Variants in SLC30A8 observed in about 807,000 individuals in gnomAD.
SLC30A8 encodes the protein proton-coupled zinc antiporter SLC30A8.
SLC30A8 carries 27 observed loss-of-function variants against 36.9 expected under a neutral mutation model. That is an observed-to-expected ratio of 0.73 (90% CI 0.54 to 1.01). The LOEUF is 1.01. Among genes scored for constraint, SLC30A8 ranks in the 50% least tolerant of loss-of-function variants. SLC30A8 has a pLI of 0.00. For missense variants in SLC30A8, 439 were observed against 452.0 expected, an observed-to-expected ratio of 0.97 and a Z score of 0.26; for synonymous variants, 164 against 172.4, an observed-to-expected ratio of 0.95 and a Z score of 0.38.
upstream of SLC30A8, chr8:116,950,683 T>C (rs1813964577): frequency 6.6e-6 from 1 of 152,230 alleles, no homozygotes; most frequent in Non-Finnish European, 1.5e-5. Flanking sequence ...CTGAGGGTAC[T>C]AGTTGCTCTA....
chr8:117,143,665 AACACACACACACACAC>A (rs58613241), intron 1 of SLC30A8, among the ~76,000 whole-genome samples: 1 of 146,188 alleles, frequency 6.8e-6, no homozygotes, highest in East Asian at 2.1e-4. Flanking sequence ...TCTCCCATAA[AACACACACACACACAC>A]ACACACACAC....
At chr8:117,065,336 T>C (rs1274232378) in intron 2 of SLC30A8, among the ~76,000 whole-genome samples, 1 of 152,174 alleles carries the variant, frequency 6.6e-6, no homozygotes, top group Non-Finnish European at 1.5e-5. Context: ...GTTTAAAAAT[T>C]ACATAATAAA....
At chr8:116,959,853 T>G (rs1047964519) in intron 1 of SLC30A8, among the ~76,000 whole-genome samples, 3 of 152,244 alleles carry the variant, frequency 2.0e-5, no homozygotes, top group Non-Finnish European at 4.4e-5. Flanking sequence ...GGCAATTTTC[T>G]TATATGCATG....
chr8:116,999,918 AT>A (rs1269247954), intron 1 of SLC30A8, among the ~76,000 whole-genome samples: 12 of 152,180 alleles, frequency 7.9e-5, no homozygotes, highest in Admixed American at 7.9e-4. Flanking sequence ...CAATAGACAT[AT>A]TTTCCTAAAA....
chr8:117,050,338 A>G (rs539855210), intron 2 of SLC30A8, among the ~76,000 whole-genome samples: 176 of 152,046 alleles, frequency 1.2e-3, no homozygotes, highest in African/African-American at 4.1e-3. Flanking sequence ...TAATCATGCA[A>G]ATGAGGGGGA....
chr8:117,137,371 G>A (rs1228390230), intron 1 of SLC30A8, among the ~76,000 whole-genome samples: 1 of 151,686 alleles, frequency 6.6e-6, no homozygotes, highest in Non-Finnish European at 1.5e-5. Flanking sequence ...ATGGTTACTG[G>A]CTGTTAAGAA....
At chr8:117,156,138 C>T (rs1822471974) in intron 3 of SLC30A8, among the ~76,000 whole-genome samples, 1 of 151,946 alleles carries the variant, frequency 6.6e-6, no homozygotes, top group African/African-American at 2.4e-5. Context: ...CTCCCCGGTT[C>T]AAGCAATTCC....
At position 117,038,386 on chromosome 8, in the gene SLC30A8, A is replaced by C. The variant is rs141809707; in HGVS notation, c.-265-833A>C. Among the ~76,000 whole-genome samples the C allele has an allele frequency of 1.7e-4, 26 of 152,298 alleles. No homozygotes were observed. In the East Asian group the frequency reaches 4.8e-3, roughly 28 times the overall value. ...TTTATGTGTGTATGCATTCCTTTGAAACCACTGATGATATCTGCTGCTGTA... is the reference window on the plus strand; with the variant it reads ...TTTATGTGTGTATGCATTCCTTTGACACCACTGATGATATCTGCTGCTGTA... On this transcript the variant is annotated intron_variant, in intron 1 of 10. Coordinates refer to the SLC30A8 transcript ENST00000427715.
At chr8:117,028,550 G>GTT (rs57593485) in intron 1 of SLC30A8, among the ~76,000 whole-genome samples, 201 of 144,206 alleles carry the variant, frequency 1.4e-3, no homozygotes, top group East Asian at 3.7e-3. Flanking sequence ...TCTCACCACA[G>GTT]TTTTTTTTTT....
intron 2 of SLC30A8, among the ~76,000 whole-genome samples, chr8:117,103,904 T>C (rs1216167598): frequency 6.6e-6 from 1 of 152,180 alleles, no homozygotes; most frequent in Non-Finnish European, 1.5e-5. Flanking sequence ...TTTAGTTGTA[T>C]AACATTCTCA....
chr8:117,074,556 C>T (rs1306799339), intron 2 of SLC30A8, among the ~76,000 whole-genome samples: 1 of 152,186 alleles, frequency 6.6e-6, no homozygotes, highest in Non-Finnish European at 1.5e-5. Context: ...CTGTCACTAA[C>T]ACATTGATAA....
At chr8:117,054,003 T>A (rs1236786266) in intron 2 of SLC30A8, among the ~76,000 whole-genome samples, 2 of 152,156 alleles carry the variant, frequency 1.3e-5, no homozygotes, top group Admixed American at 1.3e-4. Flanking sequence ...CTTTCCATTA[T>A]GTTGCAATAA....
intron 1 of SLC30A8, among the ~76,000 whole-genome samples, chr8:117,013,868 A>G (rs1420374257): frequency 6.6e-6 from 1 of 152,194 alleles, no homozygotes; most frequent in Non-Finnish European, 1.5e-5. Flanking sequence ...GTCATGTGAG[A>G]ATATATTAAT....
chr8:117,059,333 A>G (rs993988637), intron 2 of SLC30A8, among the ~76,000 whole-genome samples: 1 of 152,212 alleles, frequency 6.6e-6, no homozygotes, highest in Non-Finnish European at 1.5e-5. Context: ...GAAACTACAA[A>G]TAACAAGCCA....
chr8:117,045,574 T>C (rs1019393298), intron 2 of SLC30A8, among the ~76,000 whole-genome samples: 1 of 152,118 alleles, frequency 6.6e-6, no homozygotes, highest in African/African-American at 2.4e-5. Flanking sequence ...GCAGTGTCTG[T>C]TAGGTTTGGA....
At position 117,034,519 on chromosome 8, in the gene SLC30A8, T is replaced by C. The variant is rs144908267; in HGVS notation, c.-265-4700T>C. 3.0e-3 allele frequency among the ~76,000 whole-genome samples: 456 copies of C among 152,312 alleles called. 4 individuals are homozygous for C. Among genetic ancestry groups the C allele is most frequent in the African/African-American group, 0.011 (445 of 41,562 alleles). On this transcript the variant is annotated intron_variant, in intron 1 of 10. Transcript: ENST00000427715. ...AGACAGGTACTAGTATTCACCCTAC[T>C]TTATGGTTGGGGAAACTGAAGCATG...
chr8:117,153,723 G>GGTGTGTGT (rs59464276), intron 3 of SLC30A8, among the ~76,000 whole-genome samples: 22,305 of 146,852 alleles, frequency 0.15, 1,913 homozygotes, highest in Non-Finnish European at 0.21. Context: ...CATGATAAGG[G>GGTGTGTGT]GTGTGTGTGT....
intron 2 of SLC30A8, among the ~76,000 whole-genome samples, chr8:117,087,397 T>C (rs181549607): frequency 2.0e-5 from 3 of 152,320 alleles, no homozygotes; most frequent in African/African-American, 7.2e-5. Flanking sequence ...TCTTGGGATA[T>C]GTTTTCCTCT....
Position 116,957,356 on chromosome 8 carries a change from C to A in SLC30A8, c.-266+6237C>A, listed in dbSNP as rs746801375. 2.6e-5 allele frequency among the ~76,000 whole-genome samples: 4 copies of A among 152,018 alleles called. No individual in the cohort carries two copies. In the East Asian group the frequency reaches 7.7e-4, roughly 29 times the overall value. On this transcript the variant is annotated intron_variant, in intron 1 of 10. Coordinates refer to the SLC30A8 transcript ENST00000427715. ...CAGTGGCGCCATCTCCTGCAACCTC[C>A]GCCTCTTGGGTTCAAGCGCTTTTTC... is the stretch of plus-strand genomic sequence containing the variant.
Sources: allele counts gnomAD v4.1 joint callset (sites outside exome capture counted in the v4.1 genomes callset), GRCh38; gene constraint gnomAD v4.1.1; transcripts MANE v1.5; gene names NCBI Gene and HGNC (gene_info 2026-07-23, HGNC 2026-07-21).